ANK2: variants seen among roughly 807,000 people sequenced by gnomAD.
ANK2 encodes ankyrin 2.
ANK2 carries 83 observed loss-of-function variants against 360.5 expected under a neutral mutation model. The ratio of observed to expected loss-of-function variants is 0.23; its 90% CI spans 0.19 to 0.28. The LOEUF is 0.28. ANK2 is among the 10% of genes least tolerant of loss of function. The pLI is 1.00. For synonymous variants in ANK2, 1,740 were observed against 1,759.5 expected, an observed-to-expected ratio of 0.99 and a Z score of 0.28; for missense variants, 4,201 against 4,795.7, an observed-to-expected ratio of 0.88 and a Z score of 3.66.
chr4:113,236,753 A>G (rs1241935594), intron 5 of ANK2, among the ~76,000 whole-genome samples: 1 of 152,232 alleles, frequency 6.6e-6, no homozygotes, highest in African/African-American at 2.4e-5. Context: ...ATGTTTGTTA[A>G]GGAATGCGGA....
chr4:112,753,489 G>A, the ANK2 span, among the ~76,000 whole-genome samples: 9 of 152,166 alleles, frequency 5.9e-5, no homozygotes, highest in African/African-American at 1.9e-4. Flanking sequence ...TTGAACAGGC[G>A]CTGCATAAAA....
chr4:112,944,654 A>G (rs1288140069), intron 2 of ANK2, among the ~76,000 whole-genome samples: 4 of 152,172 alleles, frequency 2.6e-5, no homozygotes, highest in African/African-American at 4.8e-5. Context: ...TTGTATGCAC[A>G]TGATAATTGG....
chr4:112,710,682 A>C, the ANK2 span, among the ~76,000 whole-genome samples: 1 of 151,066 alleles, frequency 6.6e-6, no homozygotes, highest in African/African-American at 2.4e-5. Flanking sequence ...TGGATGACAG[A>C]GCAAGACTCC....
chr4:112,717,408 CT>C, the ANK2 span, among the ~76,000 whole-genome samples: 2 of 152,010 alleles, frequency 1.3e-5, no homozygotes, highest in Admixed American at 1.3e-4. Flanking sequence ...GTTATTTTGC[CT>C]TAGTTCATTT....
chr4:113,315,742 CAA>C (rs375305965), intron 24 of ANK2, among the ~76,000 whole-genome samples: 12 of 151,324 alleles, frequency 7.9e-5, no homozygotes, highest in African/African-American at 2.7e-4. Flanking sequence ...ACTAAAAATA[CAA>C]AAAAATTAGC....
intron 45 of ANK2, among the ~76,000 whole-genome samples, chr4:113,380,341 CTTAAAA>C (rs1038492827): frequency 2.7e-4 from 41 of 152,050 alleles, no homozygotes; most frequent in Admixed American, 1.5e-3. Context: ...ATTAGTATGA[CTTAAAA>C]TTAATATGAC....
intron 5 of ANK2, among the ~76,000 whole-genome samples, chr4:113,235,367 C>T (rs1418705459): frequency 1.3e-5 from 2 of 151,944 alleles, no homozygotes; most frequent in East Asian, 1.9e-4. Context: ...ATTAAAAAAA[C>T]GATTATTATT....
At chr4:112,858,306 A>T (rs184706917) in intron 1 of ANK2, among the ~76,000 whole-genome samples, 65 of 152,320 alleles carry the variant, frequency 4.3e-4, no homozygotes, top group African/African-American at 1.6e-3. Context: ...GTTAGTAAAA[A>T]ATAGAACTAT....
At chr4:112,968,924 A>T (rs2038386311) in intron 2 of ANK2, among the ~76,000 whole-genome samples, 2 of 152,140 alleles carry the variant, frequency 1.3e-5, no homozygotes, top group South Asian at 4.1e-4. Context: ...TTGGCCTCAG[A>T]TTCATCCCCA....
chr4:113,381,311 G>A, intron 45 of ANK2, 146 bp from the exon 46 acceptor site: 3 of 832,102 alleles, frequency 3.6e-6, no homozygotes, highest in South Asian at 1.5e-5. Context: ...ACAAAAAGAT[G>A]TCTATAGTTT....
intron 1 of ANK2, among the ~76,000 whole-genome samples, chr4:112,887,583 A>C (rs2078771816): frequency 6.6e-6 from 1 of 152,176 alleles, no homozygotes; most frequent in African/African-American, 2.4e-5. Flanking sequence ...TGTTGTTTTA[A>C]AACCATATAC....
chr4:113,181,762 C>T (rs1346951465), intron 2 of ANK2, among the ~76,000 whole-genome samples: 1 of 152,072 alleles, frequency 6.6e-6, no homozygotes, highest in African/African-American at 2.4e-5. Flanking sequence ...AAGGAGCATG[C>T]TGGCATGTTC....
intron 1 of ANK2, among the ~76,000 whole-genome samples, chr4:112,853,992 A>G (rs11098180): frequency 0.13 from 19,647 of 152,266 alleles, 2,032 homozygotes; most frequent in East Asian, 0.5. Context: ...ATTTATTTAT[A>G]GTTCCTGTCC....
At chr4:112,757,322 G>T in the ANK2 span, among the ~76,000 whole-genome samples, 1 of 152,086 alleles carries the variant, frequency 6.6e-6, no homozygotes, top group South Asian at 2.1e-4. Flanking sequence ...GTTTCACCAT[G>T]TTGGCCAGGC....
intron 1 of ANK2, among the ~76,000 whole-genome samples, chr4:113,118,617 C>T (rs1405476416): frequency 6.6e-6 from 1 of 152,056 alleles, no homozygotes; most frequent in Non-Finnish European, 1.5e-5. Flanking sequence ...ATAATGATTT[C>T]CCTTCTGGGG....
intron 35 of ANK2, 175 bp from the exon 36 acceptor site, chr4:113,348,101 C>T: frequency 1.5e-6 from 1 of 645,320 alleles, no homozygotes; most frequent in Non-Finnish European, 2.7e-6. Flanking sequence ...AGCCAATCTT[C>T]TTTTCTGCCT....
intron 1 of ANK2, among the ~76,000 whole-genome samples, chr4:112,822,453 A>C (rs1456941882): frequency 6.6e-6 from 1 of 151,456 alleles, no homozygotes; most frequent in Non-Finnish European, 1.5e-5. Flanking sequence ...AACAACAAAA[A>C]ACCATTTCAG....
At chr4:112,807,379 T>C in the ANK2 span, among the ~76,000 whole-genome samples, 5 of 152,198 alleles carry the variant, frequency 3.3e-5, no homozygotes, top group African/African-American at 1.2e-4. Flanking sequence ...CAGAAGTGCA[T>C]TTAAGTCTCA....
chr4:112,867,495 A>T (rs2071090686), intron 1 of ANK2, among the ~76,000 whole-genome samples: 1 of 152,036 alleles, frequency 6.6e-6, no homozygotes, highest in African/African-American at 2.4e-5. Flanking sequence ...TACAACCACC[A>T]TTACTATCTA....
Sources: allele counts gnomAD v4.1 joint callset (sites outside exome capture counted in the v4.1 genomes callset), GRCh38; gene constraint gnomAD v4.1.1; transcripts MANE v1.5; gene names NCBI Gene and HGNC (gene_info 2026-07-23, HGNC 2026-07-21).